The following POLQ variants were observed in gnomAD, a reference collection of about 807,000 sequenced individuals.
The protein encoded by POLQ is DNA polymerase theta.
POLQ carries 233 observed loss-of-function variants against 259.2 expected under a neutral mutation model. That is an observed-to-expected ratio of 0.90 (90% confidence interval 0.81 to 1.00). POLQ has a LOEUF of 1.00. Ranked by LOEUF, POLQ falls within the 50% of genes least tolerant of loss-of-function variation. The pLI, the probability that POLQ is intolerant of heterozygous loss-of-function variation, is 0.00. For synonymous variants in POLQ, 1,025 were observed against 1,048.8 expected (o/e 0.98, Z 0.44); for missense variants, 2,871 against 3,051.6 (o/e 0.94, Z 1.39).
chr3:121,493,475 T>TA lies in POLQ; in HGVS notation c.2522+2dup, dbSNP rs1212405462. On this transcript the variant is annotated splice_region_variant and intron_variant, in intron 15 of 29. Coordinates refer to ENST00000264233, the MANE Select transcript of POLQ (RefSeq NM_199420.4). The stretch of plus-strand genomic sequence containing the variant: ...GCCCATGTAGGTAAAGGTATTTTCT[T>TA]ACCTTTTGAAAGGCACAGCATTTTT... The TA allele has an allele frequency of 6.2e-7, 1 of 1,610,054 alleles. No individual in the cohort carries two copies. Among genetic ancestry groups the TA allele is most frequent in the Non-Finnish European group, 8.5e-7 (1 of 1,177,050 alleles).
In POLQ at chr3:121,489,190, AT is replaced by A; in HGVS notation, c.3740del (p.Asn1247IlefsTer9). 6 of 1,612,658 alleles carry A rather than the reference AT, an allele frequency of 3.7e-6. No homozygotes were observed. Among genetic ancestry groups the A allele is most frequent in the Non-Finnish European group, 5.1e-6 (6 of 1,179,678 alleles). On this transcript the variant is annotated frameshift_variant, in exon 16 of 30. Transcript: ENST00000264233. LOFTEE classifies it high-confidence loss of function. ...CERIKLNTEE[N>X]KPSHFQALGD... ...CTAATGCCTGAAAATGACTTGGTTT[AT>A]TTTCCTCTGTATTAAGCTTTATCCT...
At position 121,489,782 on chromosome 3, in the gene POLQ, C is replaced by T. The variant is rs772724619; in HGVS notation, c.3149G>A (p.Arg1050Gln). 2.9e-5 allele frequency: 47 copies of T among 1,612,616 alleles called. No homozygotes were observed. The highest frequency in any genetic ancestry group is 1.8e-4 in the East Asian group (8 of 44,882). The change falls in exon 16 of 30, where the codon CGA (arginine) becomes CAA (glutamine). Residue 1050 changes from arginine to glutamine, a missense_variant. Physicochemically the swap from Arg to Gln is conservative, Grantham distance 43. Around this residue, in one of 3 missense-constraint regions of POLQ, gnomAD observed 2,080 missense variants for 2,126.0 expected, o/e 0.98. Transcript: ENST00000264233. The stretch of plus-strand genomic sequence containing the variant: ...TTTCAGGGGGCTGCTGTCCCTAGAT[C>T]GCTTTAGATGCTTTCTACGTTTCCA... The part of the protein sequence containing the change: ...RSWKRRKHLK[R>Q]SRDSSPLKDS...
At chr3:121,496,403 C>T (rs1045781886) in intron 14 of POLQ, among the ~76,000 whole-genome samples, 8 of 152,058 alleles carry the variant, frequency 5.3e-5, no homozygotes, top group Non-Finnish European at 1.2e-4. Context: ...TCTTGAACTC[C>T]TGACCTCGTG....
chr3:121,465,259 T>G (rs2047826127), intron 24 of POLQ, among the ~76,000 whole-genome samples: 1 of 151,978 alleles, frequency 6.6e-6, no homozygotes, highest in South Asian at 2.1e-4. Flanking sequence ...GCCTAGCTAA[T>G]TTTTTGACTT....
Position 121,510,020 on chromosome 3 carries a change from A to T in POLQ, c.1816+19T>A, listed in dbSNP as rs199960577. ...AAGAAGAAAAAGTGAGTAAATTGCAACTGAGAAGTCACACTTACCTTCTGT... is the reference window on the plus strand; with the variant it reads ...AAGAAGAAAAAGTGAGTAAATTGCATCTGAGAAGTCACACTTACCTTCTGT... On this transcript the variant is annotated intron_variant, in intron 11 of 29. Coordinates refer to ENST00000264233, the MANE Select transcript of POLQ (RefSeq NM_199420.4). The T allele has an allele frequency of 6.3e-7, 1 of 1,584,880 alleles. No homozygotes were observed. Among genetic ancestry groups the T allele is most frequent in the Admixed American group, 1.7e-5 (1 of 59,906 alleles).
At chr3:121,497,718 T>A (rs1228581119) in intron 13 of POLQ, among the ~76,000 whole-genome samples, 4 of 152,164 alleles carry the variant, frequency 2.6e-5, no homozygotes, top group Non-Finnish European at 5.9e-5. Context: ...ATTACAGGCA[T>A]GAGCCACTGC....
At chr3:121,486,909 G>C (rs2048016609) in intron 16 of POLQ, among the ~76,000 whole-genome samples, 1 of 150,894 alleles carries the variant, frequency 6.6e-6, no homozygotes, top group Non-Finnish European at 1.5e-5. Flanking sequence ...GAGAGAGAGA[G>C]AGAGAGAGAG....
chr3:121,487,330 AG>A lies in POLQ; in HGVS notation c.5600del (p.Thr1867MetfsTer69). On this transcript the variant is annotated frameshift_variant, in exon 16 of 30. Transcript: ENST00000264233. LOFTEE classifies it high-confidence loss of function. ...EKIRSLTSSK[T>X]ATIGSRFKQA... is the part of the protein sequence containing the mutation. ...GCTTAAACCTACTGCCAATAGTAGC[AG>A]TTTTAGAAGATGTCAAACTTCTAAT... 1 of 1,594,958 alleles carries A rather than the reference AG, an allele frequency of 6.3e-7. No individual in the cohort carries two copies. The highest frequency in any genetic ancestry group is 8.5e-7 in the Non-Finnish European group (1 of 1,172,646).
chr3:121,441,026 T>C (rs2047587671), intron 26 of POLQ, among the ~76,000 whole-genome samples: 1 of 152,224 alleles, frequency 6.6e-6, no homozygotes, highest in Non-Finnish European at 1.5e-5. Flanking sequence ...CATTATGTCT[T>C]AAGCATCTCC....
intron 6 of POLQ, among the ~76,000 whole-genome samples, chr3:121,530,831 G>GA (rs2048405943): frequency 6.6e-6 from 1 of 151,950 alleles, no homozygotes; most frequent in South Asian, 2.1e-4. Flanking sequence ...GAACAAAGCA[G>GA]AAAAAAAGCT....
chr3:121,537,115 C>G lies in POLQ; in HGVS notation c.725G>C (p.Arg242Pro). ...LLLTKICYIT[R>P]KSASCQADLA... ...ACGTACTTACCAAGATGCTGATTTCCGAGTAATATAGCAAATCTTGGTCAG... is the reference window on the plus strand; with the variant it reads ...ACGTACTTACCAAGATGCTGATTTCGGAGTAATATAGCAAATCTTGGTCAG... Residue 242 changes from arginine to proline, a missense_variant, in exon 5 of 30, where the codon CGG becomes CCG. By Grantham distance (103) the Arg-to-Pro change is moderately radical. Transcript: ENST00000264233. The G allele has an allele frequency of 1.3e-6, 2 of 1,543,550 alleles. No homozygotes were observed. The highest frequency in any genetic ancestry group is 1.1e-5 in the South Asian group (1 of 89,462).
intron 24 of POLQ, among the ~76,000 whole-genome samples, chr3:121,465,090 C>CTTTTTTCT (rs1553803952): frequency 1.4e-5 from 2 of 141,070 alleles, no homozygotes; most frequent in Non-Finnish European, 3.1e-5. Flanking sequence ...TTTCTTTTTT[C>CTTTTTTCT]TTTTTTTTTT....
In POLQ at chr3:121,488,017, T is replaced by G; in HGVS notation, c.4914A>C (p.Leu1638=). ...SFIWSGASFD[L]SPGLQRILDK... is the part of the protein sequence containing the mutation. ...CTAAAATCCTTTGCAGTCCTGGACT[T>G]AGATCAAATGATGCCCCTGACCATA... The change falls in exon 16 of 30, where the codon CTA becomes CTC. Residue 1638 remains leucine, a synonymous_variant. Transcript: ENST00000264233. The G allele has an allele frequency of 1.2e-6, 2 of 1,613,798 alleles. No homozygotes were observed.
Position 121,511,964 on chromosome 3 carries a change from G to A in POLQ, c.1534C>T (p.Leu512=). ...TGCAGACAGCTGCGAACAGGCTTTA[G>A]AGAACCCTGAAGGAGAGCTATGCCT... ...SKGIALLQGS[L]KPVRSCLQRR... is the part of the protein sequence containing the mutation. The change falls in exon 10 of 30, where the codon CTA becomes TTA. Residue 512 remains leucine, a synonymous_variant. Coordinates refer to ENST00000264233, the MANE Select transcript of POLQ (RefSeq NM_199420.4). The A allele has an allele frequency of 3.1e-6, 5 of 1,613,310 alleles. No individual in the cohort carries two copies. Among genetic ancestry groups the A allele is most frequent in the Non-Finnish European group, 4.2e-6 (5 of 1,179,254 alleles).
chr3:121,445,429 A>T (rs1576398802), intron 26 of POLQ, among the ~76,000 whole-genome samples: 2 of 152,324 alleles, frequency 1.3e-5, no homozygotes, highest in East Asian at 3.9e-4. Flanking sequence ...AGCTGCTCAT[A>T]GTAGCCACTA....
chr3:121,512,159 AT>A, intron 9 of POLQ, 130 bp from the exon 10 acceptor site: 1 of 722,818 alleles, frequency 1.4e-6, no homozygotes, highest in Admixed American at 3.1e-5. Context: ...TGGTAATAAA[AT>A]TATGGCTATT....
intron 5 of POLQ, among the ~76,000 whole-genome samples, chr3:121,536,093 T>C (rs1247012688): frequency 6.6e-6 from 1 of 152,154 alleles, no homozygotes. Flanking sequence ...AAAAAGACAG[T>C]TATTAATTTC....
rs370145051 is a variant in POLQ at position 121,488,746 on chromosome 3, T to G, written c.4185A>C (p.Val1395=). ...AATCACTGCTTTGTTTCATAGTACC[T>G]ACAGTCTTAAGGTCCAAATGATCTA... ...TKIDHLDLKT[V]GTMKQSSDSH... is the part of the protein sequence containing the mutation. Residue 1395 remains valine (V), a synonymous_variant, in exon 16 of 30, where the codon GTA becomes GTC. Coordinates refer to ENST00000264233, the MANE Select transcript of POLQ (RefSeq NM_199420.4). 157 of 1,613,886 alleles carry G rather than the reference T, an allele frequency of 9.7e-5. No homozygotes were observed. The highest frequency in any genetic ancestry group is 1.3e-4 in the Non-Finnish European group (151 of 1,179,912).
At chr3:121,495,386 G>A (rs1169288531) in intron 14 of POLQ, among the ~76,000 whole-genome samples, 4 of 152,148 alleles carry the variant, frequency 2.6e-5, no homozygotes, top group Non-Finnish European at 5.9e-5. Flanking sequence ...TTTCTTCAAA[G>A]AAAGGTTGCT....
Sources: gnomAD v4.1 joint callset for allele counts (sites outside exome capture counted in the v4.1 genomes callset) on GRCh38, gnomAD v4.1.1 for gene constraint, gnomAD v4.1.1 regional missense constraint, MANE v1.5 for transcripts, NCBI Gene and HGNC (gene_info 2026-07-23, HGNC 2026-07-21) for gene names.